Variants in CTDSPL observed in about 807,000 individuals in gnomAD.
CTDSPL encodes CTD small phosphatase-like protein.
CTDSPL carries 8 observed loss-of-function variants against 30.5 expected under a neutral mutation model. The ratio of observed to expected loss-of-function variants is 0.26; its 90% CI spans 0.15 to 0.47. The LOEUF (loss-of-function observed/expected upper bound fraction) is 0.47, where lower values mean the gene tolerates loss of function less well. CTDSPL is among the 20% of genes least tolerant of loss of function. The probability of loss-of-function intolerance (pLI) is 0.99; values close to 1 mark genes in which losing one functional copy is unlikely to be tolerated. For synonymous variants in CTDSPL, 110 were observed against 137.9 expected (o/e 0.80, Z 1.42); for missense variants, 248 against 366.1 (o/e 0.68, Z 2.63).
intron 1 of CTDSPL, among the ~76,000 whole-genome samples, chr3:37,923,822 T>G (rs761978608): frequency 2.0e-5 from 3 of 151,932 alleles, no homozygotes; most frequent in Non-Finnish European, 4.4e-5. Flanking sequence ...ACAACACACT[T>G]ATAAACCAAT....
At chr3:37,947,312 C>T (rs188907137) in intron 2 of CTDSPL, 101 bp downstream of exon 2, 15 of 1,371,004 alleles carry the variant, frequency 1.1e-5, no homozygotes, top group South Asian at 5.6e-5. Flanking sequence ...CAGAGCCAGG[C>T]GTGGTGGCTC....
At position 37,981,493 on chromosome 3, in the gene CTDSPL, C is replaced by T. The variant is rs915026502; in HGVS notation, c.*626C>T. 40 of 224,602 alleles carry T rather than the reference C, an allele frequency of 1.8e-4. No homozygotes were observed. In the Admixed American group the frequency reaches 2.1e-3, roughly 12 times the overall value. The allele number at this position is 224,602 out of a possible 1,614,324, so 13.9% of individuals were successfully genotyped here. Reference sequence around the variant, plus strand: ...TGCTCTGACAACCTGTGGCATGCTGCAGGGTCAGGCTCCTGATAGGAGGAT... The same window carrying T: ...TGCTCTGACAACCTGTGGCATGCTGTAGGGTCAGGCTCCTGATAGGAGGAT... On this transcript the variant is annotated 3_prime_UTR_variant, in exon 8 of 8. Coordinates refer to ENST00000273179, the MANE Select transcript of CTDSPL (RefSeq NM_001008392.2).
At chr3:37,929,044 C>T (rs1281190059) in intron 1 of CTDSPL, among the ~76,000 whole-genome samples, 1 of 152,134 alleles carries the variant, frequency 6.6e-6, no homozygotes, top group African/African-American at 2.4e-5. Flanking sequence ...TATCCTTTCC[C>T]CATTGTGCAG....
chr3:37,869,725 G>C (rs1487781233), intron 1 of CTDSPL, among the ~76,000 whole-genome samples: 1 of 152,122 alleles, frequency 6.6e-6, no homozygotes, highest in Non-Finnish European at 1.5e-5. Context: ...TTTATCATTA[G>C]TATAATGTCA....
chr3:37,945,027 A>G (rs1480979740), intron 1 of CTDSPL, among the ~76,000 whole-genome samples: 2 of 150,348 alleles, frequency 1.3e-5, no homozygotes, highest in Non-Finnish European at 3.0e-5. Context: ...TGATCCAAGG[A>G]TGAAAATAGG....
chr3:37,969,616 G>C (rs1355906705), intron 5 of CTDSPL: 1 of 344,634 alleles, frequency 2.9e-6, no homozygotes. Flanking sequence ...GGGTGACTGA[G>C]GACTACAGGC....
intron 1 of CTDSPL, among the ~76,000 whole-genome samples, chr3:37,886,112 G>A (rs538578103): frequency 6.6e-6 from 1 of 152,182 alleles, no homozygotes; most frequent in East Asian, 1.9e-4. Context: ...AGCCCCCAGG[G>A]CTGCCTGAAC....
intron 1 of CTDSPL, among the ~76,000 whole-genome samples, chr3:37,945,505 G>GTT (rs1699025049): frequency 6.6e-6 from 1 of 152,240 alleles, no homozygotes; most frequent in African/African-American, 2.4e-5. Flanking sequence ...GGGACCTACA[G>GTT]GGTTGGCCCT....
At position 37,893,952 on chromosome 3, in the gene CTDSPL, C is replaced by T. The variant is rs538580959; in HGVS notation, c.79+31674C>T. 3.9e-5 allele frequency among the ~76,000 whole-genome samples: 6 copies of T among 152,242 alleles called. No homozygotes were observed. In the East Asian group the frequency reaches 7.7e-4, roughly 20 times the overall value. On this transcript the variant is annotated intron_variant, in intron 1 of 7. Transcript: ENST00000273179. ...GTATGAATTGGTATGCAAACTGCTA[C>T]GTGGCTAACCATTAGTATAAAATAA...
At chr3:37,917,438 A>C (rs1233375011) in intron 1 of CTDSPL, among the ~76,000 whole-genome samples, 1 of 152,228 alleles carries the variant, frequency 6.6e-6, no homozygotes, top group Non-Finnish European at 1.5e-5. Flanking sequence ...TTTTCCCTAA[A>C]GTGTTAGGCA....
chr3:37,899,405 A>AGT, intron 1 of CTDSPL, among the ~76,000 whole-genome samples: 1 of 151,768 alleles, frequency 6.6e-6, no homozygotes, highest in East Asian at 1.9e-4. Context: ...GCACATAACC[A>AGT]CTCTTACCCA....
intron 1 of CTDSPL, among the ~76,000 whole-genome samples, chr3:37,912,777 C>T (rs1465755650): frequency 6.6e-6 from 1 of 152,160 alleles, no homozygotes; most frequent in African/African-American, 2.4e-5. Flanking sequence ...TGTGTTAAAC[C>T]CTCACAAGTC....
chr3:37,905,068 A>G (rs1265819843), intron 1 of CTDSPL, among the ~76,000 whole-genome samples: 2 of 152,210 alleles, frequency 1.3e-5, no homozygotes, highest in Non-Finnish European at 2.9e-5. Context: ...ACAGCTTCAA[A>G]CACGGGGACT....
At chr3:37,965,369 G>A (rs186250068) in intron 4 of CTDSPL, among the ~76,000 whole-genome samples, 3 of 152,276 alleles carry the variant, frequency 2.0e-5, no homozygotes, top group East Asian at 1.9e-4. Context: ...GAGCTGTGGC[G>A]ACACTGTTAA....
chr3:37,877,963 A>G (rs1256107306), intron 1 of CTDSPL, among the ~76,000 whole-genome samples: 1 of 152,140 alleles, frequency 6.6e-6, no homozygotes, highest in East Asian at 1.9e-4. Context: ...AACACTGAGG[A>G]TCACATTTCA....
At chr3:37,897,069 G>A (rs1176829063) in intron 1 of CTDSPL, among the ~76,000 whole-genome samples, 3 of 152,148 alleles carry the variant, frequency 2.0e-5, no homozygotes, top group African/African-American at 4.8e-5. Flanking sequence ...TTCTTGCACA[G>A]ATTAAATATT....
Position 37,930,101 on chromosome 3 carries a change from C to T in CTDSPL, c.80-16956C>T, listed in dbSNP as rs1274267183. Among the ~76,000 whole-genome samples the T allele has an allele frequency of 9.2e-5, 13 of 140,558 alleles. 1 individual carries two copies. In the South Asian group the frequency reaches 1.6e-3, roughly 17 times the overall value. 92.2% of individuals were successfully genotyped at this position (140,558 alleles called of 152,430 possible). On this transcript the variant is annotated intron_variant, in intron 1 of 7. Transcript: ENST00000273179. ...CAGCCTGGGTGACAGAGTGAGACTCCGTCTCAAAAAAAAAGAAAAAAAAAA... is the reference window on the plus strand; with the variant it reads ...CAGCCTGGGTGACAGAGTGAGACTCTGTCTCAAAAAAAAAGAAAAAAAAAA...
At chr3:37,925,244 C>T (rs754059037) in intron 1 of CTDSPL, among the ~76,000 whole-genome samples, 1 of 152,070 alleles carries the variant, frequency 6.6e-6, no homozygotes, top group African/African-American at 2.4e-5. Flanking sequence ...TGTCTCTTTC[C>T]CTCAATGTCT....
At chr3:37,956,122 T>C (rs1465646062) in intron 2 of CTDSPL, among the ~76,000 whole-genome samples, 1 of 152,226 alleles carries the variant, frequency 6.6e-6, no homozygotes, top group Non-Finnish European at 1.5e-5. Flanking sequence ...GAAATGATAC[T>C]TGCTCTTATG....
Sources: allele counts gnomAD v4.1 joint callset (sites outside exome capture counted in the v4.1 genomes callset), GRCh38; gene constraint gnomAD v4.1.1; transcripts MANE v1.5; gene names NCBI Gene and HGNC (gene_info 2026-07-23, HGNC 2026-07-21).